The following ACYP2 variants were observed in gnomAD, a reference collection of about 807,000 sequenced individuals.
The protein encoded by ACYP2 is acylphosphatase 2, also known as acylphosphatase-2.
A neutral mutation model predicts 11.2 loss-of-function variants in ACYP2; 12 were observed. The observed-to-expected ratio is 1.08, with a 90% CI of 0.69 to 1.74. The LOEUF is 1.74. ACYP2 is among the 40% of genes most tolerant of loss of function. ACYP2 has a pLI of 0.00. For missense variants in ACYP2, 134 were observed against 101.9 expected (o/e 1.31, Z -1.35); for synonymous variants, 43 against 32.2 (o/e 1.33, Z -1.13).
chr2:54,140,806 T>C (rs1304392052), intron 6 of ACYP2, among the ~76,000 whole-genome samples: 1 of 152,182 alleles, frequency 6.6e-6, no homozygotes, highest in Non-Finnish European at 1.5e-5. Flanking sequence ...AATGCTGCAA[T>C]AAAATTTTAT....
intron 1 of ACYP2, among the ~76,000 whole-genome samples, chr2:53,973,062 C>T (rs536427279): frequency 6.6e-6 from 1 of 152,206 alleles, no homozygotes; most frequent in African/African-American, 2.4e-5. Context: ...AAAGAATATT[C>T]ACAAAAAGCA....
intron 6 of ACYP2, among the ~76,000 whole-genome samples, chr2:54,153,511 C>G (rs566753863): frequency 5.9e-5 from 8 of 135,884 alleles, no homozygotes; most frequent in African/African-American, 2.2e-4. Context: ...TTCAAAATAA[C>G]TTTTTCTATT....
chr2:54,002,085 C>A (rs564249661), intron 2 of ACYP2, among the ~76,000 whole-genome samples: 1 of 152,270 alleles, frequency 6.6e-6, no homozygotes, highest in Non-Finnish European at 1.5e-5. Context: ...GACAAATGTA[C>A]AATAATATGT....
At chr2:54,192,450 C>T (rs1191388432) in intron 6 of ACYP2, among the ~76,000 whole-genome samples, 1 of 152,006 alleles carries the variant, frequency 6.6e-6, no homozygotes, top group Non-Finnish European at 1.5e-5. Flanking sequence ...TTAAAAATTA[C>T]TAGTCTGTGA....
At chr2:54,188,017 G>C (rs1480007132) in intron 6 of ACYP2, among the ~76,000 whole-genome samples, 1 of 152,198 alleles carries the variant, frequency 6.6e-6, no homozygotes, top group African/African-American at 2.4e-5. Flanking sequence ...TAGAAGCAGA[G>C]AGACCGGGCA....
intron 2 of ACYP2, among the ~76,000 whole-genome samples, chr2:54,025,814 G>A (rs1674253427): frequency 6.6e-6 from 1 of 152,180 alleles, no homozygotes; most frequent in Non-Finnish European, 1.5e-5. Context: ...AGACAACCCT[G>A]ACTAGGCATG....
intron 2 of ACYP2, chr2:54,029,813 T>C: frequency 1.8e-6 from 1 of 543,628 alleles, no homozygotes; most frequent in South Asian, 1.7e-5. Context: ...GGGGCATTCC[T>C]ATTTGAACAG....
intron 4 of ACYP2, among the ~76,000 whole-genome samples, chr2:54,118,123 G>T (rs1275935223): frequency 6.6e-6 from 1 of 152,220 alleles, no homozygotes; most frequent in African/African-American, 2.4e-5. Context: ...TCTCAGGTCA[G>T]TTTTAGGAAG....
chr2:53,991,738 C>T (rs1672305324), intron 2 of ACYP2, among the ~76,000 whole-genome samples: 1 of 152,014 alleles, frequency 6.6e-6, no homozygotes, highest in Admixed American at 6.6e-5. Flanking sequence ...TTACCTCATT[C>T]ACCCTGCTCC....
chr2:54,116,524 C>T (rs1041147055), intron 4 of ACYP2, among the ~76,000 whole-genome samples: 1 of 143,274 alleles, frequency 7.0e-6, no homozygotes, highest in Non-Finnish European at 1.5e-5. Context: ...TTTTTGCTCA[C>T]CCTATCATAC....
intron 4 of ACYP2, among the ~76,000 whole-genome samples, chr2:54,111,296 C>G (rs1187032810): frequency 6.6e-6 from 1 of 151,962 alleles, no homozygotes; most frequent in African/African-American, 2.4e-5. Context: ...CCCAGAGAGC[C>G]TAAATGGATT....
In ACYP2 at chr2:54,252,461, A is replaced by G. The variant is rs192252149; in HGVS notation, c.405-52227A>G. Among the ~76,000 whole-genome samples the G allele has an allele frequency of 7.3e-4, 111 of 152,250 alleles. 1 individual carries two copies. The highest frequency in any genetic ancestry group is 3.4e-3 in the Middle Eastern group (1 of 294). The stretch of plus-strand genomic sequence containing the variant: ...GGGTTCGCACTGGTGCTGCCAAACA[A>G]CTTTCTAAAGTATCTGTACAAAGCT... On this transcript the variant is annotated intron_variant, in intron 6 of 6. Coordinates refer to ENST00000607452, the MANE Select transcript of ACYP2 (RefSeq NM_001320586.2).
chr2:54,224,556 G>A (rs1423706422), intron 6 of ACYP2, among the ~76,000 whole-genome samples: 1 of 152,198 alleles, frequency 6.6e-6, no homozygotes, highest in Non-Finnish European at 1.5e-5. Context: ...ATTAGAAAAG[G>A]GTAGGTATAT....
rs370138112 is a variant in ACYP2 at position 54,126,098 on chromosome 2, A to G, written c.278-9355A>G. On this transcript the variant is annotated intron_variant, in intron 4 of 6. Coordinates refer to ENST00000607452, the MANE Select transcript of ACYP2 (RefSeq NM_001320586.2). ...TCCGACTCAAAAAAAATAAATAAAT[A>G]AAAATAAAAAGGAGATTTATTTGAG... is the stretch of plus-strand genomic sequence containing the variant. Among the ~76,000 whole-genome samples, 11 of 152,310 alleles carry G rather than the reference A, an allele frequency of 7.2e-5. No homozygotes were observed. In the South Asian group the frequency reaches 1.7e-3, roughly 23 times the overall value.
intron 4 of ACYP2, among the ~76,000 whole-genome samples, chr2:54,061,189 GT>G (rs1676452182): frequency 6.6e-6 from 1 of 152,022 alleles, no homozygotes. Context: ...TTCCTTATTG[GT>G]TTTTTATTTT....
chr2:53,971,571 G>A (rs1284665486), intron 1 of ACYP2, among the ~76,000 whole-genome samples: 2 of 152,194 alleles, frequency 1.3e-5, no homozygotes, highest in South Asian at 2.1e-4. Flanking sequence ...AAGGCGCTCA[G>A]TTTAGGCTAT....
intron 4 of ACYP2, among the ~76,000 whole-genome samples, chr2:54,124,264 G>A (rs945134782): frequency 2.0e-5 from 3 of 151,888 alleles, no homozygotes; most frequent in African/African-American, 4.8e-5. Context: ...GCGCGATGTG[G>A]GCTCACCGCA....
intron 6 of ACYP2, among the ~76,000 whole-genome samples, chr2:54,165,801 G>A (rs2103839287): frequency 6.6e-6 from 1 of 152,156 alleles, no homozygotes. Flanking sequence ...TTGGACTCTG[G>A]ATGAAGGAAT....
chr2:53,999,329 C>T (rs1672702146), intron 2 of ACYP2, among the ~76,000 whole-genome samples: 1 of 152,062 alleles, frequency 6.6e-6, no homozygotes, highest in Admixed American at 6.6e-5. Flanking sequence ...TGGGAGGAGG[C>T]AGAGGGAGCT....
Sources: gnomAD v4.1 joint callset for allele counts (sites outside exome capture counted in the v4.1 genomes callset) on GRCh38, gnomAD v4.1.1 for gene constraint, MANE v1.5 for transcripts, NCBI Gene and HGNC (gene_info 2026-07-23, HGNC 2026-07-21) for gene names.